Variants in AFF3 observed in about 807,000 individuals in gnomAD.
AFF3 encodes ALF transcription elongation factor 3.
In AFF3, 32 loss-of-function variants were observed where a neutral mutation model predicts 129.7. The ratio of observed to expected loss-of-function variants is 0.25; its 90% CI spans 0.19 to 0.33. The LOEUF is 0.33. AFF3 is among the 10% of genes least tolerant of loss of function. AFF3 has a pLI of 1.00. For missense variants in AFF3, 1,373 were observed against 1,592.0 expected (o/e 0.86, Z 2.34); for synonymous variants, 644 against 635.4 (o/e 1.01, Z -0.20).
chr2:99,981,407 C>G (rs1679391980), intron 7 of AFF3, among the ~76,000 whole-genome samples: 2 of 152,234 alleles, frequency 1.3e-5, no homozygotes, highest in Admixed American at 1.3e-4. Flanking sequence ...TATTCATGCA[C>G]CCAATCTTTT....
At chr2:99,987,826 G>T (rs1237094865) in intron 7 of AFF3, among the ~76,000 whole-genome samples, 1 of 152,194 alleles carries the variant, frequency 6.6e-6, no homozygotes, top group Non-Finnish European at 1.5e-5. Flanking sequence ...AAGAAATAAA[G>T]TGTATTATTT....
In AFF3 at chr2:99,594,125, G is replaced by A; in HGVS notation, c.1536C>T (p.Asp512=). The A allele has an allele frequency of 6.2e-7, 1 of 1,614,048 alleles. No individual in the cohort carries two copies. Among genetic ancestry groups the A allele is most frequent in the Non-Finnish European group, 8.5e-7 (1 of 1,179,970 alleles). ...TCTCTCTCAGGCTGGGCTGGCAAAC[G>A]TCGGGGACTTTCCCACAGTCCTGGA... ...EDVQDCGKVP[D]VCQPSLREKE... Residue 512 remains aspartate (D), a synonymous_variant, in exon 15 of 25, where the codon GAC becomes GAT. Transcript: ENST00000672756.
Position 99,593,386 on chromosome 2 carries a change from C to T in AFF3, c.2275G>A (p.Asp759Asn). ...GRNELLSPLK[D>N]SDEIRSLWVK... Reference sequence around the variant, plus strand: ...CAGAGAGACCTGATCTCATCACTGTCCTTTAGAGGGGAGAGAAGTTCGTTC... The same window carrying T: ...CAGAGAGACCTGATCTCATCACTGTTCTTTAGAGGGGAGAGAAGTTCGTTC... Residue 759 changes from aspartate (D) to asparagine (N), a missense_variant, in exon 15 of 25, where the codon GAC becomes AAC. By Grantham distance (23) the Asp-to-Asn change is conservative. This residue lies in a region of AFF3 where 466 missense variants were observed against 505.0 expected (regional missense o/e 0.92). Transcript: ENST00000672756. 1 of 1,613,964 alleles carries T rather than the reference C, an allele frequency of 6.2e-7. No homozygotes were observed. Among genetic ancestry groups the T allele is most frequent in the Non-Finnish European group, 8.5e-7 (1 of 1,179,986 alleles).
At chr2:99,927,438 G>A (rs546731901) in intron 7 of AFF3, among the ~76,000 whole-genome samples, 13 of 152,216 alleles carry the variant, frequency 8.5e-5, no homozygotes, top group East Asian at 1.9e-4. Context: ...GAACATGAAC[G>A]GAGCTGGAGG....
At chr2:99,892,058 G>A (rs1217379785) in intron 7 of AFF3, among the ~76,000 whole-genome samples, 3 of 152,074 alleles carry the variant, frequency 2.0e-5, no homozygotes, top group African/African-American at 4.8e-5. Flanking sequence ...TCCTGACCTC[G>A]TGATCCGCCC....
intron 12 of AFF3, among the ~76,000 whole-genome samples, chr2:99,659,394 T>C (rs376370082): frequency 6.6e-6 from 1 of 152,312 alleles, no homozygotes; most frequent in Admixed American, 6.5e-5. Context: ...TGCTAGGAGA[T>C]ACAATGCAGG....
At chr2:99,857,714 T>C (rs770483359) in intron 7 of AFF3, among the ~76,000 whole-genome samples, 9 of 152,184 alleles carry the variant, frequency 5.9e-5, no homozygotes, top group Non-Finnish European at 1.0e-4. Flanking sequence ...TCAACCTTGG[T>C]CCTAAAAATA....
At position 99,806,034 on chromosome 2, in the gene AFF3, A is replaced by C. The variant is rs144867470; in HGVS notation, c.921+31443T>G. Among the ~76,000 whole-genome samples, 44 of 152,368 alleles carry C rather than the reference A, an allele frequency of 2.9e-4. No individual in the cohort carries two copies. The East Asian group carries it at 7.7e-3, about 27-fold the overall frequency. Reference sequence around the variant, plus strand: ...ATAAGAAATGCAAATGCAAAATAAAAGAATGTGTCCCACAGAGATGATAGA... The same window carrying C: ...ATAAGAAATGCAAATGCAAAATAAACGAATGTGTCCCACAGAGATGATAGA... On this transcript the variant is annotated intron_variant, in intron 8 of 24. Coordinates refer to ENST00000672756, the MANE Select transcript of AFF3 (RefSeq NM_001386135.1).
intron 7 of AFF3, among the ~76,000 whole-genome samples, chr2:99,923,421 T>G (rs1346246827): frequency 6.6e-6 from 1 of 152,244 alleles, no homozygotes; most frequent in Non-Finnish European, 1.5e-5. Context: ...AAAAAGGCTC[T>G]GGACTAAAGA....
At chr2:99,878,322 G>A (rs1412031096) in intron 7 of AFF3, among the ~76,000 whole-genome samples, 1 of 152,048 alleles carries the variant, frequency 6.6e-6, no homozygotes, top group African/African-American at 2.4e-5. Context: ...TTCTTGCAAT[G>A]GAACGCTCTT....
intron 7 of AFF3, 104 bp downstream of exon 7, chr2:100,006,528 A>G: frequency 7.1e-7 from 1 of 1,402,444 alleles, no homozygotes; most frequent in Non-Finnish European, 9.5e-7. Flanking sequence ...CATGAAGTTA[A>G]CCACATCACT....
In AFF3 at chr2:99,651,002, C is replaced by T. The variant is rs1048540805; in HGVS notation, c.1144-1336G>A. ...CAGCCTGACCAACAGGGAGAAACCC[C>T]GTCTCTACTAAAAATACAAAATTAG... is the stretch of plus-strand genomic sequence containing the variant. On this transcript the variant is annotated intron_variant, in intron 12 of 24. Transcript: ENST00000672756. Among the ~76,000 whole-genome samples the T allele has an allele frequency of 2.2e-4, 34 of 151,884 alleles. 1 individual carries two copies. The highest frequency in any genetic ancestry group is 8.2e-4 in the African/African-American group (34 of 41,428).
chr2:99,691,673 G>A (rs940807675), intron 11 of AFF3, among the ~76,000 whole-genome samples: 1 of 152,172 alleles, frequency 6.6e-6, no homozygotes, highest in East Asian at 1.9e-4. Flanking sequence ...AAGTAAAGTT[G>A]TATCACTTAT....
chr2:99,873,728 GTTTTTTTT>G (rs112561437), intron 7 of AFF3, among the ~76,000 whole-genome samples: 1 of 138,824 alleles, frequency 7.2e-6, no homozygotes, highest in African/African-American at 2.6e-5. Context: ...CATCTTAGTG[GTTTTTTTT>G]TTTTTTTTAA....
intron 4 of AFF3, among the ~76,000 whole-genome samples, chr2:100,035,948 G>T (rs1684857787): frequency 6.6e-6 from 1 of 151,800 alleles, no homozygotes; most frequent in African/African-American, 2.4e-5. Context: ...CTTTGAATTG[G>T]GGGTGGTGGA....
chr2:100,122,309 T>G (rs1692013548), intron 2 of AFF3, among the ~76,000 whole-genome samples: 1 of 152,240 alleles, frequency 6.6e-6, no homozygotes, highest in African/African-American at 2.4e-5. Context: ...TACTAAAGAT[T>G]GAGATGATCA....
At chr2:99,746,191 G>A (rs4851227) in intron 9 of AFF3, among the ~76,000 whole-genome samples, 109,636 of 149,886 alleles carry the variant, frequency 0.73, 40,642 homozygotes, top group East Asian at 0.91. Context: ...AAAAAAAAAA[G>A]GTAGCAGGAC....
chr2:99,778,745 G>A (rs1042352976), intron 8 of AFF3, among the ~76,000 whole-genome samples: 2 of 152,074 alleles, frequency 1.3e-5, no homozygotes, highest in Non-Finnish European at 2.9e-5. Context: ...GGATGCTATT[G>A]TAAATGAAAT....
chr2:99,877,286 G>C (rs1366265549), intron 7 of AFF3, among the ~76,000 whole-genome samples: 1 of 152,206 alleles, frequency 6.6e-6, no homozygotes, highest in Non-Finnish European at 1.5e-5. Flanking sequence ...TTGAGGGGGA[G>C]ATGTAATCGG....
Sources: allele counts gnomAD v4.1 joint callset (sites outside exome capture counted in the v4.1 genomes callset), GRCh38; gene constraint gnomAD v4.1.1; regional missense constraint gnomAD v4.1.1; transcripts MANE v1.5; gene names NCBI Gene and HGNC (gene_info 2026-07-23, HGNC 2026-07-21).